Variants in DOCK10 observed in about 807,000 individuals in gnomAD.
DOCK10 encodes the protein dedicator of cytokinesis 10.
A neutral mutation model predicts 280.1 loss-of-function variants in DOCK10; 145 were observed. That is an observed-to-expected ratio of 0.52 (90% CI 0.45 to 0.59). DOCK10 has a LOEUF of 0.59. Among genes scored for constraint, DOCK10 ranks in the 20% least tolerant of loss-of-function variants. The probability of loss-of-function intolerance (pLI) is 0.00; values close to 1 mark genes in which losing one functional copy is unlikely to be tolerated. For synonymous variants in DOCK10, 915 were observed against 942.2 expected (o/e 0.97, Z 0.53); for missense variants, 2,368 against 2,651.7 (o/e 0.89, Z 2.35).
intron 8 of DOCK10, among the ~76,000 whole-genome samples, chr2:224,875,171 T>C (rs1051223680): frequency 1.3e-5 from 2 of 152,244 alleles, no homozygotes; most frequent in Non-Finnish European, 2.9e-5. Flanking sequence ...ACATTAATAC[T>C]ATCGTTGTTA....
intron 14 of DOCK10, among the ~76,000 whole-genome samples, chr2:224,860,413 T>C (rs551765995): frequency 1.3e-5 from 2 of 152,152 alleles, no homozygotes; most frequent in South Asian, 4.1e-4. Flanking sequence ...AAAATAACAA[T>C]CTTTTATTGG....
At chr2:224,865,148 C>T (rs1049065947) in intron 11 of DOCK10, 61 bp from the exon 12 acceptor site, 54 of 1,480,880 alleles carry the variant, frequency 3.6e-5, no homozygotes, top group Non-Finnish European at 4.8e-5. Flanking sequence ...GAGACAGCCT[C>T]GTTAGTACAT....
chr2:224,785,810 G>A (rs908393582), intron 50 of DOCK10, among the ~76,000 whole-genome samples: 1 of 152,166 alleles, frequency 6.6e-6, no homozygotes, highest in Non-Finnish European at 1.5e-5. Context: ...CCTTTGGTGA[G>A]CAGAGGAAAA....
intron 2 of DOCK10, among the ~76,000 whole-genome samples, chr2:224,921,112 A>AAAAAAAAAAAATATATATATATATATAT: frequency 1.8e-5 from 1 of 54,414 alleles, no homozygotes; most frequent in Non-Finnish European, 3.0e-5. Context: ...AAAAAAAAAA[A>AAAAAAAAAAAATATATATATATATATAT]ATATATATAT....
intron 1 of DOCK10, among the ~76,000 whole-genome samples, chr2:224,995,671 T>C (rs1375525047): frequency 2.6e-5 from 4 of 152,346 alleles, no homozygotes; most frequent in African/African-American, 4.8e-5. Flanking sequence ...AAGTCATCAA[T>C]TGCTGGAGAG....
chr2:225,042,077 T>TGCCTCGCTGAGGTGGCGCC lies in DOCK10; in HGVS notation c.123+156_123+174dup, dbSNP rs1690447537. ...CCCGGTCCTTACGCGTCGGTGGCGCTGCCTCGCTGAGGTGGCGCCGGGGGA... is the reference window on the plus strand; with the variant it reads ...CCCGGTCCTTACGCGTCGGTGGCGCTGCCTCGCTGAGGTGGCGCCGCCTCGCTGAGGTGGCGCCGGGGGA... On this transcript the variant is annotated intron_variant, in intron 1 of 55. Coordinates refer to ENST00000258390, the MANE Select transcript of DOCK10 (RefSeq NM_014689.3). This position sits in a 1 kb window ranked among gnomAD's most constrained non-coding sequence, Gnocchi z 5.1. Among the ~76,000 whole-genome samples, 1 of 152,106 alleles carries TGCCTCGCTGAGGTGGCGCC rather than the reference T, an allele frequency of 6.6e-6. No homozygotes were observed. The highest frequency in any genetic ancestry group is 2.4e-5 in the African/African-American group (1 of 41,434).
intron 40 of DOCK10, 91 bp downstream of exon 40, chr2:224,801,819 AAACCTT>A: frequency 7.6e-7 from 1 of 1,307,786 alleles, no homozygotes; most frequent in African/African-American, 1.5e-5. Context: ...GAGGTACAGC[AAACCTT>A]AAAAACTGTG....
chr2:224,999,381 T>A (rs1706364042), intron 1 of DOCK10, among the ~76,000 whole-genome samples: 1 of 152,060 alleles, frequency 6.6e-6, no homozygotes, highest in Non-Finnish European at 1.5e-5. Context: ...TTCTTCAGAG[T>A]TGCTTCAGCA....
rs1405355906 is a variant in DOCK10, at chr2:224,814,362, G to T, written c.3367C>A (p.Pro1123Thr). 5 of 1,522,546 alleles carry T rather than the reference G, an allele frequency of 3.3e-6. No individual in the cohort carries two copies. Among genetic ancestry groups the T allele is most frequent in the African/African-American group, 2.8e-5 (2 of 71,680 alleles). 94.3% of individuals were successfully genotyped at this position (1,522,546 alleles called of 1,614,324 possible). A position where few individuals can be genotyped will look rare whatever the true frequency, so the allele number is the denominator to read the frequency against. The change falls in exon 31 of 56, where the codon CCT becomes ACT. Residue 1123 changes from proline to threonine, a missense_variant and splice_region_variant. Transcript: ENST00000258390. ...LPIRSANIPD[P>T]LTPSESTQEL... ...TGAGTCGATTCTGAAGGTGTCAAAGGATCTGAATTTAATATAAATAAAAAG... is the reference window on the plus strand; with the variant it reads ...TGAGTCGATTCTGAAGGTGTCAAAGTATCTGAATTTAATATAAATAAAAAG...
At chr2:224,993,928 A>T (rs1342302303) in intron 1 of DOCK10, among the ~76,000 whole-genome samples, 1 of 152,178 alleles carries the variant, frequency 6.6e-6, no homozygotes, top group Non-Finnish European at 1.5e-5. Context: ...GGATCCTATT[A>T]CATTTCTGAA....
intron 29 of DOCK10, among the ~76,000 whole-genome samples, chr2:224,818,513 T>A (rs1359088859): frequency 6.7e-6 from 1 of 150,306 alleles, no homozygotes; most frequent in Non-Finnish European, 1.5e-5. Context: ...TTCTCCTGCC[T>A]CAGCATCCTG....
intron 1 of DOCK10, among the ~76,000 whole-genome samples, chr2:224,939,272 T>G (rs972554350): frequency 2.0e-5 from 3 of 152,222 alleles, no homozygotes; most frequent in Non-Finnish European, 4.4e-5. Context: ...TTGTTAACCC[T>G]TAATTTCTTT....
intron 4 of DOCK10, chr2:224,893,539 T>A (rs1012445111): frequency 2.4e-5 from 7 of 292,828 alleles, no homozygotes; most frequent in Admixed American, 2.1e-4. Context: ...TGCTGCTTTT[T>A]TCTTCTGGGA....
intron 4 of DOCK10, among the ~76,000 whole-genome samples, chr2:224,893,055 T>C (rs892885302): frequency 6.6e-6 from 1 of 152,234 alleles, no homozygotes; most frequent in African/African-American, 2.4e-5. Flanking sequence ...GGTGTTTGCA[T>C]CCGACATTGG....
At chr2:225,004,262 G>A (rs915585976) in intron 1 of DOCK10, among the ~76,000 whole-genome samples, 2 of 152,192 alleles carry the variant, frequency 1.3e-5, no homozygotes, top group Non-Finnish European at 2.9e-5. Flanking sequence ...AGATAGCAGA[G>A]GAAAAGACAC....
At chr2:224,986,361 G>A (rs1705973300) in intron 1 of DOCK10, among the ~76,000 whole-genome samples, 1 of 152,100 alleles carries the variant, frequency 6.6e-6, no homozygotes, top group Non-Finnish European at 1.5e-5. Context: ...TGAGTTTCTG[G>A]TGGGTCCATT....
At chr2:224,895,839 G>GTATATA (rs1212771046) in intron 4 of DOCK10, among the ~76,000 whole-genome samples, 1 of 116,190 alleles carries the variant, frequency 8.6e-6, no homozygotes, top group African/African-American at 4.0e-5. Context: ...GTGCGTGTGT[G>GTATATA]TGTATATATA....
intron 53 of DOCK10, among the ~76,000 whole-genome samples, chr2:224,771,365 C>T (rs1410578504): frequency 6.6e-6 from 1 of 152,190 alleles, no homozygotes; most frequent in Non-Finnish European, 1.5e-5. Flanking sequence ...TTTCTATTAA[C>T]ACTCAAATAA....
Position 224,970,381 on chromosome 2 carries a change from G to A in DOCK10, c.124-38713C>T, listed in dbSNP as rs1392873017. ...ACCATGCTGCAAATAAGGACACTGAGGCTCAGGGAACTCAGGGAATTATCC... is the reference window on the plus strand; with the variant it reads ...ACCATGCTGCAAATAAGGACACTGAAGCTCAGGGAACTCAGGGAATTATCC... On this transcript the variant is annotated intron_variant, in intron 1 of 55. Transcript: ENST00000258390. The surrounding 1 kb of genome is among the most constrained non-coding windows in gnomAD (Gnocchi z 4.6). Among the ~76,000 whole-genome samples the A allele has an allele frequency of 6.6e-6, 1 of 152,110 alleles. No individual in the cohort carries two copies. Among genetic ancestry groups the A allele is most frequent in the African/African-American group, 2.4e-5 (1 of 41,418 alleles).
Sources: gnomAD v4.1 joint callset for allele counts (sites outside exome capture counted in the v4.1 genomes callset) on GRCh38, gnomAD v4.1.1 for gene constraint, Gnocchi (gnomAD v3.1) non-coding constraint, MANE v1.5 for transcripts, NCBI Gene and HGNC (gene_info 2026-07-23, HGNC 2026-07-21) for gene names.